Variants in PTPRA observed in about 807,000 individuals in gnomAD.
PTPRA encodes the protein protein tyrosine phosphatase receptor type A, also known as receptor-type tyrosine-protein phosphatase alpha.
Under a neutral mutation model 104.8 loss-of-function variants are expected in PTPRA, and 25 were observed. The ratio of observed to expected loss-of-function variants is 0.24; its 90% CI spans 0.17 to 0.33. PTPRA has a LOEUF of 0.33. Among genes scored for constraint, PTPRA ranks in the 10% least tolerant of loss-of-function variants. The probability of loss-of-function intolerance (pLI) is 1.00; values close to 1 mark genes in which losing one functional copy is unlikely to be tolerated. For synonymous variants in PTPRA, 323 were observed against 368.9 expected (o/e 0.88, Z 1.43); for missense variants, 765 against 1,015.3 (o/e 0.75, Z 3.35).
chr20:2,996,226 A>G (rs756281443), intron 9 of PTPRA, among the ~76,000 whole-genome samples: 11 of 152,218 alleles, frequency 7.2e-5, no homozygotes, highest in Non-Finnish European at 1.5e-4. Context: ...AAGTTGGAGT[A>G]CCAAGTCTCA....
chr20:2,910,156 C>T lies in PTPRA; in HGVS notation c.-128-13051C>T, dbSNP rs1228585699. Among the ~76,000 whole-genome samples the T allele has an allele frequency of 4.8e-3, 374 of 78,154 alleles. 9 individuals carry two copies. In the South Asian group the frequency reaches 0.068, roughly 14 times the overall value. 51.3% of individuals were successfully genotyped at this position (78,154 alleles called of 152,430 possible). On this transcript the variant is annotated intron_variant, in intron 1 of 23. Coordinates refer to ENST00000399903, the MANE Select transcript of PTPRA (RefSeq NM_001385305.1). ...GATATATAACATCATATATACTATA[C>T]GTCATATATAATATGACGTATAGTA...
intron 11 of PTPRA, among the ~76,000 whole-genome samples, chr20:3,007,635 A>G (rs555561206): frequency 2.6e-5 from 4 of 152,272 alleles, no homozygotes; most frequent in Admixed American, 2.0e-4. Context: ...ATGGTTTCCC[A>G]TGTAGAAATC....
chr20:2,870,031 G>A (rs563683284), upstream of PTPRA, among the ~76,000 whole-genome samples: 1 of 150,502 alleles, frequency 6.6e-6, no homozygotes, highest in East Asian at 2.0e-4. Flanking sequence ...CTCAGGGTAA[G>A]GGGCTGTATG....
intron 1 of PTPRA, among the ~76,000 whole-genome samples, chr20:2,913,076 G>C (rs1393254452): frequency 6.6e-6 from 1 of 151,924 alleles, no homozygotes; most frequent in African/African-American, 2.4e-5. Flanking sequence ...ACTTTAATGA[G>C]CATTAAATCT....
intron 1 of PTPRA, among the ~76,000 whole-genome samples, chr20:2,921,777 A>G (rs2060107312): frequency 6.6e-6 from 1 of 152,190 alleles, no homozygotes; most frequent in South Asian, 2.1e-4. Flanking sequence ...ATCAGACTGC[A>G]GTGCACACCT....
At position 2,957,202 on chromosome 20, in the gene PTPRA, A is replaced by G. The variant is rs1194070581; in HGVS notation, c.-6-7070A>G. On this transcript the variant is annotated intron_variant, in intron 3 of 23. Coordinates refer to ENST00000399903, the MANE Select transcript of PTPRA (RefSeq NM_001385305.1). ...CGGAAGGCTGAGGCAGGAGAATGGCATGAACCTGGGAGGCGGAGCTTGCAC... is the reference window on the plus strand; with the variant it reads ...CGGAAGGCTGAGGCAGGAGAATGGCGTGAACCTGGGAGGCGGAGCTTGCAC... Among the ~76,000 whole-genome samples, 3 of 152,266 alleles carry G rather than the reference A, an allele frequency of 2.0e-5. No individual in the cohort carries two copies. The East Asian group carries it at 5.8e-4, about 29-fold the overall frequency.
At chr20:2,929,736 G>A (rs912793361) in intron 2 of PTPRA, among the ~76,000 whole-genome samples, 3 of 152,104 alleles carry the variant, frequency 2.0e-5, no homozygotes, top group African/African-American at 4.8e-5. Flanking sequence ...GAAGTGGGAG[G>A]ATTGCTTGAG....
intron 2 of PTPRA, among the ~76,000 whole-genome samples, chr20:2,941,012 G>GT (rs1491138850): frequency 1.1e-4 from 17 of 149,768 alleles, no homozygotes; most frequent in South Asian, 2.1e-4. Flanking sequence ...TTTTCTTCTG[G>GT]TTTTTTTTTG....
intron 22 of PTPRA, among the ~76,000 whole-genome samples, chr20:3,036,777 C>A (rs576648565): frequency 6.6e-6 from 1 of 152,224 alleles, no homozygotes; most frequent in Admixed American, 6.5e-5. Context: ...AGCAGATACA[C>A]ACCAGTGTAG....
At chr20:2,897,123 T>G (rs1229449733) in intron 1 of PTPRA, among the ~76,000 whole-genome samples, 1 of 152,258 alleles carries the variant, frequency 6.6e-6, no homozygotes, top group Non-Finnish European at 1.5e-5. Context: ...ATGTTTAATT[T>G]TACCACTTGG....
chr20:2,893,976 G>GT (rs142687188), intron 1 of PTPRA, among the ~76,000 whole-genome samples: 2,359 of 152,148 alleles, frequency 0.016, 126 homozygotes, highest in Admixed American at 0.09. Flanking sequence ...ATAGTCTCAT[G>GT]TGAGTAATTA....
intron 1 of PTPRA, among the ~76,000 whole-genome samples, chr20:2,878,471 A>G (rs2089869898): frequency 6.6e-6 from 1 of 152,126 alleles, no homozygotes; most frequent in Admixed American, 6.5e-5. Flanking sequence ...TGGCCTCCCA[A>G]AGTGCTGGGA....
At chr20:2,924,647 A>G (rs1487903892) in intron 2 of PTPRA, among the ~76,000 whole-genome samples, 2 of 152,116 alleles carry the variant, frequency 1.3e-5, no homozygotes, top group South Asian at 2.1e-4. Flanking sequence ...GTGACTGGAA[A>G]GAGGTATGAG....
the PTPRA span, chr20:2,866,310 T>C: frequency 6.2e-7 from 1 of 1,614,152 alleles, no homozygotes; most frequent in Non-Finnish European, 8.5e-7. Flanking sequence ...CTTTGCTTCT[T>C]GTTGGGTGCG....
At chr20:2,927,383 C>G (rs183074004) in intron 2 of PTPRA, among the ~76,000 whole-genome samples, 1 of 152,130 alleles carries the variant, frequency 6.6e-6, no homozygotes, top group South Asian at 2.1e-4. Context: ...CCAATCATGT[C>G]TTTATATTTT....
intron 2 of PTPRA, among the ~76,000 whole-genome samples, chr20:2,924,629 G>A (rs1246144834): frequency 6.6e-6 from 1 of 152,134 alleles, no homozygotes; most frequent in African/African-American, 2.4e-5. Flanking sequence ...GACAGGAGGT[G>A]GGAGGTTGTG....
At chr20:2,914,465 GTGTGTGTGTGTGTGTA>G in intron 1 of PTPRA, among the ~76,000 whole-genome samples, 1 of 151,216 alleles carries the variant, frequency 6.6e-6, no homozygotes, top group East Asian at 2.1e-4. Context: ...GTGTGTGTGT[GTGTGTGTGTGTGTGTA>G]CTGTGAGTTC....
chr20:2,876,028 A>G (rs1048896959), intron 1 of PTPRA, among the ~76,000 whole-genome samples: 1 of 152,186 alleles, frequency 6.6e-6, no homozygotes, highest in Non-Finnish European at 1.5e-5. Flanking sequence ...GGATCAGGTA[A>G]GGACAATGGA....
intron 1 of PTPRA, among the ~76,000 whole-genome samples, chr20:2,912,538 C>A (rs1453134623): frequency 6.6e-6 from 1 of 152,014 alleles, no homozygotes; most frequent in African/African-American, 2.4e-5. Flanking sequence ...GCAGGAGGAT[C>A]ACTTAAGTCC....
Sources: allele counts gnomAD v4.1 joint callset (sites outside exome capture counted in the v4.1 genomes callset), GRCh38; gene constraint gnomAD v4.1.1; transcripts MANE v1.5; gene names NCBI Gene and HGNC (gene_info 2026-07-23, HGNC 2026-07-21).